The following CDK8 variants were observed in gnomAD, a reference collection of about 807,000 sequenced individuals.
CDK8 encodes the protein cyclin dependent kinase 8.
Under a neutral mutation model 71.5 loss-of-function variants are expected in CDK8, and 29 were observed. That is an observed-to-expected ratio of 0.41 (90% CI 0.30 to 0.55). CDK8 has a LOEUF of 0.55. Among genes scored for constraint, CDK8 ranks in the 20% least tolerant of loss-of-function variants. CDK8 has a pLI of 0.37. For synonymous variants in CDK8, 161 were observed against 192.1 expected, an observed-to-expected ratio of 0.84 and a Z score of 1.34; for missense variants, 288 against 572.6, an observed-to-expected ratio of 0.50 and a Z score of 5.07.
intron 1 of CDK8, among the ~76,000 whole-genome samples, chr13:26,297,986 AG>A (rs1312621622): frequency 6.6e-6 from 1 of 152,016 alleles, no homozygotes; most frequent in Non-Finnish European, 1.5e-5. Flanking sequence ...TCTCTTTTAT[AG>A]GGGCAATATC....
intron 1 of CDK8, among the ~76,000 whole-genome samples, chr13:26,330,517 TTTATC>T (rs1875265584): frequency 1.3e-5 from 2 of 152,180 alleles, no homozygotes; most frequent in Admixed American, 1.3e-4. Context: ...ATTTATTCCT[TTTATC>T]TTACTGTATG....
chr13:26,344,315 G>A (rs1459566787), intron 2 of CDK8, among the ~76,000 whole-genome samples: 4 of 152,160 alleles, frequency 2.6e-5, no homozygotes, highest in Non-Finnish European at 4.4e-5. Flanking sequence ...CATCTAGGTT[G>A]ATTCCATGCT....
At position 26,404,866 on chromosome 13, in the gene CDK8, G is replaced by C. The variant is rs1349101701; in HGVS notation, c.*785G>C. 4.7e-6 allele frequency: 1 copy of C among 213,996 alleles called. No homozygotes were observed. Among genetic ancestry groups the C allele is most frequent in the African/African-American group, 2.3e-5 (1 of 44,276 alleles). The allele number at this position is 213,996 out of a possible 1,614,324, so 13.3% of individuals were successfully genotyped here. On this transcript the variant is annotated 3_prime_UTR_variant, in exon 13 of 13. Transcript: ENST00000381527. Reference sequence around the variant, plus strand: ...TCATAGACAGTGTTTTATTTTTCCTGTTGGTGTTGCTGATTTGTGAGCATG... The same window carrying C: ...TCATAGACAGTGTTTTATTTTTCCTCTTGGTGTTGCTGATTTGTGAGCATG...
At chr13:26,378,027 A>G (rs756023550) in intron 4 of CDK8, among the ~76,000 whole-genome samples, 9 of 152,256 alleles carry the variant, frequency 5.9e-5, no homozygotes, top group Non-Finnish European at 1.2e-4. Context: ...AGATCCATCA[A>G]GAATCAACTT....
At chr13:26,306,489 A>G (rs1207809314) in intron 1 of CDK8, among the ~76,000 whole-genome samples, 2 of 152,134 alleles carry the variant, frequency 1.3e-5, no homozygotes, top group Non-Finnish European at 2.9e-5. Context: ...TTTATTTAAA[A>G]TAATATGAAT....
intron 1 of CDK8, among the ~76,000 whole-genome samples, chr13:26,337,087 A>C (rs1345043458): frequency 6.6e-6 from 1 of 152,184 alleles, no homozygotes; most frequent in Non-Finnish European, 1.5e-5. Context: ...AGTGTCTTTG[A>C]AAGTCTTTGG....
intron 1 of CDK8, among the ~76,000 whole-genome samples, chr13:26,306,014 A>G (rs1874025238): frequency 6.6e-6 from 1 of 152,132 alleles, no homozygotes; most frequent in Admixed American, 6.6e-5. Flanking sequence ...TTCTTGAAAA[A>G]TAACTTGATA....
intron 1 of CDK8, among the ~76,000 whole-genome samples, chr13:26,273,090 A>G (rs757453134): frequency 1.3e-5 from 2 of 152,174 alleles, no homozygotes; most frequent in Non-Finnish European, 2.9e-5. Context: ...TAAGAGTTTT[A>G]TAGTTGTAAC....
intron 8 of CDK8, among the ~76,000 whole-genome samples, 188 bp from the exon 9 acceptor site, chr13:26,396,965 A>G (rs990005167): frequency 2.0e-5 from 3 of 152,086 alleles, no homozygotes; most frequent in African/African-American, 7.2e-5. Flanking sequence ...GTATCCTTTC[A>G]AAAGTGACCA....
chr13:26,283,057 A>T (rs1185136446), intron 1 of CDK8, among the ~76,000 whole-genome samples: 1 of 152,214 alleles, frequency 6.6e-6, no homozygotes, highest in Non-Finnish European at 1.5e-5. Context: ...AATTTATAAA[A>T]CAATTACTAC....
intron 6 of CDK8, 96 bp from the exon 7 acceptor site, chr13:26,393,271 A>G: frequency 4.1e-6 from 3 of 735,242 alleles, no homozygotes; most frequent in Non-Finnish European, 6.4e-6. Context: ...ATAAAATTGC[A>G]TTTTCTTTTG....
At chr13:26,318,439 G>A (rs987757969) in intron 1 of CDK8, among the ~76,000 whole-genome samples, 6 of 152,120 alleles carry the variant, frequency 3.9e-5, no homozygotes, top group African/African-American at 1.2e-4. Flanking sequence ...CATTCTGTAT[G>A]AGGCCAGCAT....
chr13:26,295,306 C>T (rs1175849929), intron 1 of CDK8, among the ~76,000 whole-genome samples: 1 of 150,550 alleles, frequency 6.6e-6, no homozygotes, highest in Non-Finnish European at 1.5e-5. Flanking sequence ...TCTTGGGCTT[C>T]CCTGTTGACC....
Position 26,254,609 on chromosome 13 carries a change from CGACCCAG to C in CDK8, c.-32_-26del. 1 of 1,546,510 alleles carries C rather than the reference CGACCCAG, an allele frequency of 6.5e-7. No homozygotes were observed. The highest frequency in any genetic ancestry group is 8.8e-7 in the Non-Finnish European group (1 of 1,141,824). ...TCCCCACCCCTGCCCCCCGGCCCCC[CGACCCAG>C]CTCTCCGGCCTCAGAGGCTGTGACA... On this transcript the variant is annotated 5_prime_UTR_variant, in exon 1 of 13. Transcript: ENST00000381527. The surrounding 1 kb of genome is among the most constrained non-coding windows in gnomAD (Gnocchi z 6.7).
chr13:26,319,386 T>C (rs772259296), intron 1 of CDK8, among the ~76,000 whole-genome samples: 1 of 151,824 alleles, frequency 6.6e-6, no homozygotes, highest in African/African-American at 2.4e-5. Context: ...GGAGAATTGC[T>C]TGAACTCGGG....
At chr13:26,322,231 T>C (rs1874809273) in intron 1 of CDK8, among the ~76,000 whole-genome samples, 2 of 152,156 alleles carry the variant, frequency 1.3e-5, no homozygotes, top group Non-Finnish European at 2.9e-5. Flanking sequence ...AACTTAGGGC[T>C]TATAAATTTA....
chr13:26,279,427 A>G (rs1417065490), intron 1 of CDK8, among the ~76,000 whole-genome samples: 1 of 152,160 alleles, frequency 6.6e-6, no homozygotes, highest in African/African-American at 2.4e-5. Flanking sequence ...ACGGTGGGAC[A>G]GCCCATTGTT....
intron 1 of CDK8, among the ~76,000 whole-genome samples, chr13:26,268,468 A>G (rs879875889): frequency 1.8e-4 from 28 of 152,116 alleles, no homozygotes; most frequent in Non-Finnish European, 3.4e-4. Flanking sequence ...GGCATGTGTC[A>G]CCACATCTGG....
At chr13:26,264,696 AC>A (rs1004964937) in intron 1 of CDK8, among the ~76,000 whole-genome samples, 7 of 152,090 alleles carry the variant, frequency 4.6e-5, no homozygotes, top group African/African-American at 1.4e-4. Flanking sequence ...CTATATCTGC[AC>A]CCTTTAACTC....
Sources: allele counts gnomAD v4.1 joint callset (sites outside exome capture counted in the v4.1 genomes callset), GRCh38; gene constraint gnomAD v4.1.1; non-coding constraint Gnocchi (gnomAD v3.1); transcripts MANE v1.5; gene names NCBI Gene and HGNC (gene_info 2026-07-23, HGNC 2026-07-21).